Variants in NOL10 observed in about 807,000 individuals in gnomAD.
NOL10 encodes the protein H_NH0074G24.1.
Under a neutral mutation model 103.5 loss-of-function variants are expected in NOL10, and 58 were observed. The ratio of observed to expected loss-of-function variants is 0.56; its 90% CI spans 0.45 to 0.70. The LOEUF is 0.70. NOL10 is among the 30% of genes least tolerant of loss of function. NOL10 has a pLI of 0.00. For missense variants in NOL10, 763 were observed against 807.3 expected (o/e 0.95, Z 0.67); for synonymous variants, 287 against 282.5 (o/e 1.02, Z -0.16).
intron 1 of NOL10, among the ~76,000 whole-genome samples, chr2:10,685,227 T>G (rs954723455): frequency 3.3e-5 from 5 of 152,180 alleles, no homozygotes; most frequent in African/African-American, 1.2e-4. Context: ...ACTGACCAAA[T>G]AGCTGATACT....
chr2:10,577,636 C>T lies in NOL10; in HGVS notation c.1947G>A (p.Arg649=). ...AAAATAACAATAAAAGACAACTCACCCTCTTTAACGTGAATGTCAATTGTT... is the reference window on the plus strand; with the variant it reads ...AAAATAACAATAAAAGACAACTCACTCTCTTTAACGTGAATGTCAATTGTT... ...GSKQLTFTLK[R]SEQQKKQQEA... The change falls in exon 20 of 21, where the codon AGG becomes AGA. Residue 649 remains arginine (R), a splice_region_variant and synonymous_variant. Transcript: ENST00000381685. 2 of 1,599,540 alleles carry T rather than the reference C, an allele frequency of 1.3e-6. No homozygotes were observed. Among genetic ancestry groups the T allele is most frequent in the Non-Finnish European group, 1.7e-6 (2 of 1,169,710 alleles).
chr2:10,586,867 CT>C (rs1236867114), intron 19 of NOL10, among the ~76,000 whole-genome samples: 1 of 150,552 alleles, frequency 6.6e-6, no homozygotes, highest in Non-Finnish European at 1.5e-5. Context: ...TAATTGACCC[CT>C]GACTGTTAAA....
chr2:10,578,498 A>T (rs570731394), intron 19 of NOL10, among the ~76,000 whole-genome samples: 1 of 152,270 alleles, frequency 6.6e-6, no homozygotes, highest in African/African-American at 2.4e-5. Context: ...CACATTTTCC[A>T]AATTTTTCTA....
chr2:10,679,217 G>C (rs1681547812), intron 3 of NOL10, among the ~76,000 whole-genome samples: 1 of 151,954 alleles, frequency 6.6e-6, no homozygotes, highest in African/African-American at 2.4e-5. Context: ...AAATTAGCCG[G>C]GCGTGGTGGT....
At chr2:10,665,709 T>C (rs1680523655) in intron 8 of NOL10, among the ~76,000 whole-genome samples, 1 of 152,186 alleles carries the variant, frequency 6.6e-6, no homozygotes, top group South Asian at 2.1e-4. Context: ...CCCTAAAAAC[T>C]ATTTTCTCAG....
chr2:10,588,215 G>A (rs1675215608), intron 19 of NOL10, among the ~76,000 whole-genome samples: 1 of 152,040 alleles, frequency 6.6e-6, no homozygotes, highest in African/African-American at 2.4e-5. Context: ...TAATTTTTTT[G>A]GAAGGGTGGT....
intron 13 of NOL10, among the ~76,000 whole-genome samples, chr2:10,619,706 T>G (rs913714224): frequency 1.3e-5 from 2 of 152,178 alleles, no homozygotes; most frequent in Non-Finnish European, 2.9e-5. Flanking sequence ...AATCTGAACA[T>G]GGCCCCAATC....
chr2:10,576,365 A>G (rs902358173), intron 20 of NOL10, among the ~76,000 whole-genome samples: 4 of 152,204 alleles, frequency 2.6e-5, no homozygotes, highest in African/African-American at 9.7e-5. Context: ...CTAGGTATAG[A>G]CCCAAGATAA....
At chr2:10,672,003 G>C (rs1680979292) in intron 5 of NOL10, among the ~76,000 whole-genome samples, 1 of 152,150 alleles carries the variant, frequency 6.6e-6, no homozygotes, top group Non-Finnish European at 1.5e-5. Context: ...TACCCTCAAT[G>C]ATCAGTTCCC....
rs144120656 is a variant in NOL10 at position 10,572,144 on chromosome 2, T to C, written c.1994A>G (p.Gln665Arg). 1 of 1,614,022 alleles carries C rather than the reference T, an allele frequency of 6.2e-7. No individual in the cohort carries two copies. Among genetic ancestry groups the C allele is most frequent in the African/African-American group, 1.3e-5 (1 of 75,054 alleles). The change falls in exon 21 of 21, where the codon CAA becomes CGA. Residue 665 changes from glutamine (Q) to arginine (R), a missense_variant. By Grantham distance (43) the Gln-to-Arg change is conservative. Transcript: ENST00000381685. ...CGAACGACGGAGTCTTTTCCTTTCT[T>C]GTCGATGCAGTTTCTCAGCCTCCTG... The part of the protein sequence containing the change: ...KQQEAEKLHR[Q>R]ERKRLRRSAG...
intron 9 of NOL10, among the ~76,000 whole-genome samples, chr2:10,660,052 G>C (rs1680094249): frequency 6.6e-6 from 1 of 151,912 alleles, no homozygotes; most frequent in Non-Finnish European, 1.5e-5. Flanking sequence ...AGAGTGCTAG[G>C]CGATGAGTCA....
At chr2:10,632,398 G>A (rs1375506135) in intron 13 of NOL10, among the ~76,000 whole-genome samples, 1 of 152,180 alleles carries the variant, frequency 6.6e-6, no homozygotes, top group Non-Finnish European at 1.5e-5. Flanking sequence ...ATACATAAAT[G>A]AATGGGCTCA....
chr2:10,648,788 C>A (rs1010298861), intron 12 of NOL10, among the ~76,000 whole-genome samples: 1 of 151,740 alleles, frequency 6.6e-6, no homozygotes, highest in Admixed American at 6.6e-5. Context: ...TCACATAAAT[C>A]GAGGATGAAG....
At chr2:10,615,987 G>A (rs922343314) in intron 13 of NOL10, among the ~76,000 whole-genome samples, 4 of 152,116 alleles carry the variant, frequency 2.6e-5, no homozygotes, top group Admixed American at 1.3e-4. Context: ...ACATCAAACT[G>A]TGGGACCCTC....
chr2:10,675,243 CA>C (rs990705087), intron 4 of NOL10, among the ~76,000 whole-genome samples: 67 of 151,896 alleles, frequency 4.4e-4, no homozygotes, highest in African/African-American at 1.6e-3. Context: ...AAAAGAAATA[CA>C]GGGAGGATCT....
chr2:10,675,820 T>C lies in NOL10; in HGVS notation c.263A>G (p.Lys88Arg). ...TTCTGAATCTAAACACCTTTCAAAC[T>C]TCAAGGATAATTGATAGGTGTCATA... ...RCYDTYQLSL[K>R]FERCLDSEVV... Residue 88 changes from lysine to arginine, a missense_variant, in exon 4 of 21, where the codon AAG (lysine) becomes AGG (arginine). Physicochemically the swap from Lys to Arg is conservative, Grantham distance 26. Transcript: ENST00000381685. 6.3e-7 allele frequency: 1 copy of C among 1,579,030 alleles called. No homozygotes were observed. Among genetic ancestry groups the C allele is most frequent in the Non-Finnish European group, 8.6e-7 (1 of 1,159,566 alleles).
intron 12 of NOL10, among the ~76,000 whole-genome samples, chr2:10,651,755 G>A (rs1421573975): frequency 3.3e-5 from 5 of 152,004 alleles, no homozygotes; most frequent in African/African-American, 9.7e-5. Flanking sequence ...CTACTTAACC[G>A]AGACCCTGGT....
intron 6 of NOL10, among the ~76,000 whole-genome samples, chr2:10,670,408 C>T (rs752044289): frequency 2.6e-5 from 4 of 151,958 alleles, no homozygotes; most frequent in Non-Finnish European, 2.9e-5. Context: ...ATACTAATAG[C>T]CAAAAAGATA....
chr2:10,602,563 C>T (rs1676033617), intron 16 of NOL10, among the ~76,000 whole-genome samples: 1 of 152,156 alleles, frequency 6.6e-6, no homozygotes, highest in African/African-American at 2.4e-5. Context: ...ACAATTACCG[C>T]AGAGGTCATA....
Sources: gnomAD v4.1 joint callset for allele counts (sites outside exome capture counted in the v4.1 genomes callset) on GRCh38, gnomAD v4.1.1 for gene constraint, MANE v1.5 for transcripts, NCBI Gene and HGNC (gene_info 2026-07-23, HGNC 2026-07-21) for gene names.